EHBP1L1: variants seen among roughly 807,000 people sequenced by gnomAD.
EHBP1L1 encodes the protein EH domain binding protein 1 like 1.
Under a neutral mutation model 151.1 loss-of-function variants are expected in EHBP1L1, and 122 were observed. The observed-to-expected ratio is 0.81, with a 90% CI of 0.70 to 0.94. The LOEUF is 0.94. Ranked by LOEUF, EHBP1L1 falls within the 40% of genes least tolerant of loss-of-function variation. The pLI, the probability that EHBP1L1 is intolerant of heterozygous loss-of-function variation, is 0.00. For synonymous variants in EHBP1L1, 878 were observed against 810.1 expected, an observed-to-expected ratio of 1.08 and a Z score of -1.42; for missense variants, 1,941 against 1,959.8, an observed-to-expected ratio of 0.99 and a Z score of 0.18.
In EHBP1L1 at chr11:65,592,066, G is replaced by A. The variant is rs758192678; in HGVS notation, c.4448G>A (p.Arg1483Gln). The change falls in exon 18 of 19, where the codon CGG becomes CAG. Residue 1483 changes from arginine to glutamine, a missense_variant. Physicochemically the swap from Arg to Gln is conservative, Grantham distance 43 (BLOSUM62 1). Coordinates refer to ENST00000309295, the MANE Select transcript of EHBP1L1 (RefSeq NM_001099409.3). ...SLVNQRDELV[R>Q]DLDHKERIAL... ...GTGAACCAGCGCGATGAGCTAGTCC[G>A]GGACCTGGACCACAAGGAGCGGATG... The A allele has an allele frequency of 6.2e-7, 1 of 1,613,276 alleles. No homozygotes were observed. The highest frequency in any genetic ancestry group is 8.5e-7 in the Non-Finnish European group (1 of 1,179,668).
In EHBP1L1 at chr11:65,583,480, G is replaced by A. The variant is rs1857753346; in HGVS notation, c.2808G>A (p.Glu936=). The change falls in exon 9 of 19, where the codon GAG becomes GAA. Residue 936 remains glutamate (E), a synonymous_variant. Coordinates refer to ENST00000309295, the MANE Select transcript of EHBP1L1 (RefSeq NM_001099409.3). ...GSETQVLRVQ[E]AEAGVWGMSE... ...AGACTCAAGTTCTGAGAGTCCAGGAGGCAGAGGCTGGGGTTTGGGGGATGT... is the reference window on the plus strand; with the variant it reads ...AGACTCAAGTTCTGAGAGTCCAGGAAGCAGAGGCTGGGGTTTGGGGGATGT... 1 of 1,613,644 alleles carries A rather than the reference G, an allele frequency of 6.2e-7. No individual in the cohort carries two copies. Among genetic ancestry groups the A allele is most frequent in the East Asian group, 2.2e-5 (1 of 44,890 alleles).
Position 65,588,869 on chromosome 11 carries a change from G to A in EHBP1L1, c.3934-882G>A, listed in dbSNP as rs544024358. Among the ~76,000 whole-genome samples the A allele has an allele frequency of 3.3e-5, 5 of 152,356 alleles. No homozygotes were observed. The South Asian group carries it at 1.0e-3, about 32-fold the overall frequency. Reference sequence around the variant, plus strand: ...CCTGGGTGTGGGAACTGAAAAGGCAGCAGGGCACCCCCTTTTGGCCAGGAG... The same window carrying A: ...CCTGGGTGTGGGAACTGAAAAGGCAACAGGGCACCCCCTTTTGGCCAGGAG... On this transcript the variant is annotated intron_variant, in intron 12 of 18. Transcript: ENST00000309295.
intron 3 of EHBP1L1, 67 bp from the exon 4 acceptor site, chr11:65,579,869 C>T: frequency 6.4e-7 from 1 of 1,564,676 alleles, no homozygotes; most frequent in Non-Finnish European, 8.8e-7. Flanking sequence ...CCTCCTGAGC[C>T]AGACAAGCTC....
rs1396599587 is a variant in EHBP1L1, at chr11:65,582,819, C to T, written c.2147C>T (p.Ala716Val). 5 of 1,613,312 alleles carry T rather than the reference C, an allele frequency of 3.1e-6. No individual in the cohort carries two copies. The highest frequency in any genetic ancestry group is 3.4e-6 in the Non-Finnish European group (4 of 1,179,806). The change falls in exon 9 of 19, where the codon GCT becomes GTT. Residue 716 changes from alanine (A) to valine (V), a missense_variant. Physicochemically the swap from Ala to Val is moderately conservative, Grantham distance 64. Coordinates refer to ENST00000309295, the MANE Select transcript of EHBP1L1 (RefSeq NM_001099409.3). ...GCTTCTAGGGTACCAGAGTCAGAGG[C>T]TGAGGGGACAGAAGCTAAAATATTA... ...VEASRVPESE[A>V]EGTEAKILGT...
intron 9 of EHBP1L1, chr11:65,583,974 C>A: frequency 7.1e-7 from 1 of 1,409,418 alleles, no homozygotes; most frequent in Non-Finnish European, 9.2e-7. Context: ...CTGGACACCT[C>A]TAAGCTGATT....
In EHBP1L1 at chr11:65,583,193, G is replaced by A; in HGVS notation, c.2521G>A (p.Ala841Thr). The A allele has an allele frequency of 6.2e-7, 1 of 1,613,024 alleles. No individual in the cohort carries two copies. The highest frequency in any genetic ancestry group is 1.1e-5 in the South Asian group (1 of 91,066). The change falls in exon 9 of 19, where the codon GCC becomes ACC. Residue 841 changes from alanine (A) to threonine (T), a missense_variant. Physicochemically the swap from Ala to Thr is moderately conservative, Grantham distance 58 (BLOSUM62 0). Transcript: ENST00000309295. ...AGGGCTAGAATCTGAGGTAGCTGGG[G>A]CCCAGGAGACAGAGGTCGGGGGTTC... Reference protein sequence around the residue: ...VPGLESEVAGAQETEVGGSGI... With the variant: ...VPGLESEVAGTQETEVGGSGI...
In EHBP1L1 at chr11:65,583,441, A is replaced by C; in HGVS notation, c.2769A>C (p.Gly923=). The change falls in exon 9 of 19, where the codon GGA becomes GGC. Residue 923 remains glycine, a synonymous_variant. Coordinates refer to ENST00000309295, the MANE Select transcript of EHBP1L1 (RefSeq NM_001099409.3). ...AGGAAGCAAAAGCAGAGATTTCAGG[A>C]GTACAAGGGTCAGAGACTCAAGTTC... ...GSQEAKAEIS[G]VQGSETQVLR... 1 of 1,613,508 alleles carries C rather than the reference A, an allele frequency of 6.2e-7. No individual in the cohort carries two copies. Among genetic ancestry groups the C allele is most frequent in the Non-Finnish European group, 8.5e-7 (1 of 1,179,742 alleles).
Position 65,585,698 on chromosome 11 carries a change from G to A in EHBP1L1, c.3933+107G>A, listed in dbSNP as rs1170992549. 1 of 1,475,760 alleles carries A rather than the reference G, an allele frequency of 6.8e-7. No individual in the cohort carries two copies. The highest frequency in any genetic ancestry group is 2.2e-5 in the Admixed American group (1 of 44,490). 91.4% of individuals were successfully genotyped at this position (1,475,760 alleles called of 1,614,324 possible). ...GGGGCCCCAAGGACAGAGCTGGCGC[G>A]AGGGTGACGGTTTCAGAGTGGCGGG... On this transcript the variant is annotated intron_variant, in intron 12 of 18. Coordinates refer to ENST00000309295, the MANE Select transcript of EHBP1L1 (RefSeq NM_001099409.3). This position sits in a 1 kb window ranked among gnomAD's most constrained non-coding sequence, Gnocchi z 4.0.
Position 65,592,526 on chromosome 11 carries a change from C to T in EHBP1L1, c.*224C>T. 4.8e-6 allele frequency: 1 copy of T among 210,216 alleles called. No homozygotes were observed. The highest frequency in any genetic ancestry group is 9.1e-6 in the Non-Finnish European group (1 of 110,148). 13.0% of individuals were successfully genotyped at this position (210,216 alleles called of 1,614,324 possible). A position where few individuals can be genotyped will look rare whatever the true frequency, so the allele number is the denominator to read the frequency against. ...GGTGTGTGCGCGCTCGCGGCGGGTGCGGGGTCCTCCCCGACGGCACGGCCG... is the reference window on the plus strand; with the variant it reads ...GGTGTGTGCGCGCTCGCGGCGGGTGTGGGGTCCTCCCCGACGGCACGGCCG... On this transcript the variant is annotated 3_prime_UTR_variant, in exon 19 of 19. Coordinates refer to ENST00000309295, the MANE Select transcript of EHBP1L1 (RefSeq NM_001099409.3).
Position 65,577,948 on chromosome 11 carries a change from G to A in EHBP1L1, c.105-1130G>A, listed in dbSNP as rs537734314. ...GGGTGCAGGCATGGGGCTGGGTACA[G>A]GCAAGGCCAGTTCGCGTGCTGCCCT... is the stretch of plus-strand genomic sequence containing the variant. On this transcript the variant is annotated intron_variant, in intron 1 of 18. Transcript: ENST00000309295. 1.2e-4 allele frequency among the ~76,000 whole-genome samples: 19 copies of A among 152,326 alleles called. No homozygotes were observed. The South Asian group carries it at 3.9e-3, about 32-fold the overall frequency.
chr11:65,584,027 C>T, intron 9 of EHBP1L1: 1 of 1,410,786 alleles, frequency 7.1e-7, no homozygotes, highest in South Asian at 1.7e-5. Context: ...GACCTCTGAT[C>T]TTGTCTGGGG....
chr11:65,576,075 CCG>C lies in EHBP1L1; in HGVS notation c.-224_-223del. 1 of 310,832 alleles carries C rather than the reference CCG, an allele frequency of 3.2e-6. No individual in the cohort carries two copies. Among genetic ancestry groups the C allele is most frequent in the East Asian group, 5.1e-5 (1 of 19,480 alleles). The allele number at this position is 310,832 out of a possible 1,614,324, so 19.3% of individuals were successfully genotyped here. On this transcript the variant is annotated 5_prime_UTR_variant, in exon 1 of 19. Transcript: ENST00000309295. ...TCCAGGAAACGGCGCGCTCCCAGCT[CCG>C]CGCTCGCCACCCGACGCGCCCCAGG...
chr11:65,579,022 G>C, intron 1 of EHBP1L1, 56 bp from the exon 2 acceptor site: 1 of 1,517,574 alleles, frequency 6.6e-7, no homozygotes, highest in South Asian at 1.2e-5. Flanking sequence ...TGGGGAGGCA[G>C]GTGAGCCTGA....
chr11:65,583,573 C>A lies in EHBP1L1; in HGVS notation c.2901C>A (p.Asn967Lys). The change falls in exon 9 of 19, where the codon AAC (asparagine) becomes AAA (lysine). Residue 967 changes from asparagine to lysine, a missense_variant. Coordinates refer to ENST00000309295, the MANE Select transcript of EHBP1L1 (RefSeq NM_001099409.3). ...AEMKVLESPE[N>K]KSGTFKAQEA... Reference sequence around the variant, plus strand: ...TGAAGGTTTTAGAGTCTCCAGAGAACAAATCTGGTACTTTTAAGGCCCAGG... The same window carrying A: ...TGAAGGTTTTAGAGTCTCCAGAGAAAAAATCTGGTACTTTTAAGGCCCAGG... 6.2e-7 allele frequency: 1 copy of A among 1,607,552 alleles called. No individual in the cohort carries two copies. Among genetic ancestry groups the A allele is most frequent in the Non-Finnish European group, 8.5e-7 (1 of 1,175,770 alleles).
Position 65,592,109 on chromosome 11 carries a change from C to A in EHBP1L1, c.4472+19C>A, listed in dbSNP as rs1238379639. 2 of 1,612,058 alleles carry A rather than the reference C, an allele frequency of 1.2e-6. No homozygotes were observed. Among genetic ancestry groups the A allele is most frequent in the Admixed American group, 1.7e-5 (1 of 59,970 alleles). ...AGCGGATGTGAGTGGCGCTGGGCGGCGCTGGGAGTTGGGAGGGTCCGGGAC... is the reference window on the plus strand; with the variant it reads ...AGCGGATGTGAGTGGCGCTGGGCGGAGCTGGGAGTTGGGAGGGTCCGGGAC... On this transcript the variant is annotated intron_variant, in intron 18 of 18. Transcript: ENST00000309295.
chr11:65,584,091 T>C (rs1006599081), intron 9 of EHBP1L1, 150 bp from the exon 10 acceptor site: 4 of 1,473,020 alleles, frequency 2.7e-6, no homozygotes, highest in Non-Finnish European at 2.7e-6. Context: ...AGAAACCCTT[T>C]TACCTGGCCC....
chr11:65,579,336 T>G lies in EHBP1L1; in HGVS notation c.163-5T>G. On this transcript the variant is annotated splice_polypyrimidine_tract_variant and splice_region_variant and intron_variant, in intron 2 of 18. Transcript: ENST00000309295. Reference sequence around the variant, plus strand: ...TGGGGGGAGGACTCAGATTGTCCCTTGTAGGCCCACAGCTGGCAGCCGGGC... The same window carrying G: ...TGGGGGGAGGACTCAGATTGTCCCTGGTAGGCCCACAGCTGGCAGCCGGGC... The G allele has an allele frequency of 1.3e-6, 2 of 1,545,780 alleles. No individual in the cohort carries two copies. Among genetic ancestry groups the G allele is most frequent in the Non-Finnish European group, 1.7e-6 (2 of 1,143,416 alleles).
At chr11:65,588,930 G>A (rs1858115068) in intron 12 of EHBP1L1, among the ~76,000 whole-genome samples, 1 of 152,106 alleles carries the variant, frequency 6.6e-6, no homozygotes, top group Admixed American at 6.5e-5. Context: ...CAGGTCTGGG[G>A]AGCCCTGAGG....
At position 65,585,500 on chromosome 11, in the gene EHBP1L1, A is replaced by C. The variant is rs377298968; in HGVS notation, c.3842A>C (p.Asp1281Ala). Reference protein sequence around the residue: ...HGSFSHVRDADLLKKRRSRLR... With the variant: ...HGSFSHVRDAALLKKRRSRLR... ...TCCTTCTCCCACGTGCGCGACGCGGACCTGCTCAAGAAGAGGCGCTCGCGG... is the reference window on the plus strand; with the variant it reads ...TCCTTCTCCCACGTGCGCGACGCGGCCCTGCTCAAGAAGAGGCGCTCGCGG... The change falls in exon 12 of 19, where the codon GAC becomes GCC. Residue 1281 changes from aspartate to alanine, a missense_variant. Coordinates refer to ENST00000309295, the MANE Select transcript of EHBP1L1 (RefSeq NM_001099409.3). This position sits in a 1 kb window ranked among gnomAD's most constrained non-coding sequence, Gnocchi z 4.0. The C allele has an allele frequency of 5.3e-4, 827 of 1,558,536 alleles. No homozygotes were observed. Among genetic ancestry groups the C allele is most frequent in the Middle Eastern group, 1.3e-3 (8 of 6,004 alleles).
Sources: allele counts gnomAD v4.1 joint callset (sites outside exome capture counted in the v4.1 genomes callset), GRCh38; gene constraint gnomAD v4.1.1; non-coding constraint Gnocchi (gnomAD v3.1); transcripts MANE v1.5; gene names NCBI Gene and HGNC (gene_info 2026-07-23, HGNC 2026-07-21).